CYP2D6: variants seen among roughly 807,000 people sequenced by gnomAD.
CYP2D6 encodes the protein cytochrome P450 2D6.
In CYP2D6, 51 loss-of-function variants were observed where a neutral mutation model predicts 43.5. The observed-to-expected ratio is 1.17, with a 90% CI of 0.94 to 1.48. The LOEUF is 1.48. Ranked by LOEUF, CYP2D6 falls within the 40% of genes most tolerant of loss-of-function variation. The pLI is 0.00. For synonymous variants in CYP2D6, 346 were observed against 297.1 expected, an observed-to-expected ratio of 1.16 and a Z score of -1.69; for missense variants, 698 against 688.0, an observed-to-expected ratio of 1.01 and a Z score of -0.16.
Position 42,126,939 on chromosome 22 carries a change from C to G in CYP2D6, c.1227G>C (p.Trp409Cys). The change falls in exon 8 of 9, where the codon TGG becomes TGC. Residue 409 changes from tryptophan to cysteine, a missense_variant. Trp to Cys is a radical substitution (Grantham distance 215). This residue lies in a region of CYP2D6 where 9 missense variants were observed against 38.0 expected (regional missense o/e 0.24). Coordinates refer to ENST00000645361, the MANE Select transcript of CYP2D6 (RefSeq NM_000106.6). ...LSSVLKDEAV[W>C]EKPFRFHPEH... The stretch of plus-strand genomic sequence containing the variant: ...CGGGGTGGAAGCGGAAGGGCTTCTC[C>G]CAGACGGCCTCATCCTTCAGCACCG... 1 of 1,609,824 alleles carries G rather than the reference C, an allele frequency of 6.2e-7. No homozygotes were observed. The highest frequency in any genetic ancestry group is 8.5e-7 in the Non-Finnish European group (1 of 1,177,690).
In CYP2D6 at chr22:42,126,547, A is replaced by T; in HGVS notation, c.*27T>A. The T allele has an allele frequency of 6.5e-7, 1 of 1,538,998 alleles. No homozygotes were observed. The highest frequency in any genetic ancestry group is 8.8e-7 in the Non-Finnish European group (1 of 1,142,328). On this transcript the variant is annotated 3_prime_UTR_variant, in exon 9 of 9. Transcript: ENST00000645361. ...TGTACATTAGAGCCTCTGGCTAGGG[A>T]GCAGGCTGGGGACTAGGTACCCCAT... is the stretch of plus-strand genomic sequence containing the variant.
At chr22:42,128,392 G>A (rs770318615) in intron 4 of CYP2D6, 42 bp from the exon 5 acceptor site, 23 of 1,596,854 alleles carry the variant, frequency 1.4e-5, no homozygotes, top group Non-Finnish European at 2.0e-5. Flanking sequence ...CCTGTGCTCT[G>A]CGTTCACCTG....
rs530299539 is a variant in CYP2D6, at chr22:42,127,156, G to A, written c.1174-164C>T. Among the ~76,000 whole-genome samples the A allele has an allele frequency of 4.0e-4, 60 of 151,028 alleles. 3 individuals carry two copies. Among genetic ancestry groups the A allele is most frequent in the African/African-American group, 1.3e-3 (53 of 40,882 alleles). ...AGTACCCTCTCCGACCCCACAGCAG[G>A]GCGCAGTCACACCTCTCAGAGGCAC... On this transcript the variant is annotated intron_variant, in intron 7 of 8. Transcript: ENST00000645361.
chr22:42,128,748 C>T (rs752511026), intron 4 of CYP2D6, 36 bp downstream of exon 4: 9 of 1,589,680 alleles, frequency 5.7e-6, no homozygotes, highest in East Asian at 2.3e-5. Context: ...CTCGGGAGCT[C>T]GCCCTGCAGA....
intron 1 of CYP2D6, chr22:42,130,389 A>C: frequency 1.6e-6 from 1 of 623,496 alleles, no homozygotes; most frequent in Non-Finnish European, 2.9e-6. Context: ...CCCACTGCCA[A>C]GTCCAGCTCC....
intron 2 of CYP2D6, chr22:42,129,474 ACACCGGATTCCAGCTGGG>A: frequency 2.8e-6 from 2 of 725,980 alleles, no homozygotes; most frequent in Non-Finnish European, 4.8e-6. Flanking sequence ...CCCCACTTCG[ACACCGGATTCCAGCTGGG>A]AAATGCGCCA....
In CYP2D6 at chr22:42,129,863, G is replaced by T; in HGVS notation, c.227C>A (p.Thr76Lys). The change falls in exon 2 of 9, where the codon ACG (threonine) becomes AAG (lysine). Residue 76 changes from threonine (T) to lysine (K), a missense_variant. Thr to Lys is a moderately conservative substitution (Grantham distance 78, BLOSUM62 -1). Transcript: ENST00000645361. ...GDVFSLQLAW[T>K]PVVVLNGLAA... ...CAGCCCATTGAGCACGACCACCGGC[G>T]TCCAGGCCAGCTGCAGGCTGAACAC... 6.3e-7 allele frequency: 1 copy of T among 1,596,016 alleles called. No individual in the cohort carries two copies. Among genetic ancestry groups the T allele is most frequent in the Non-Finnish European group, 8.5e-7 (1 of 1,171,894 alleles).
chr22:42,129,462 C>T (rs1389816394), intron 2 of CYP2D6: 4 of 726,304 alleles, frequency 5.5e-6, no homozygotes, highest in African/African-American at 1.7e-5. Flanking sequence ...GCGGTCCCCG[C>T]CCCCCACTTC....
chr22:42,127,481 CG>C lies in CYP2D6; in HGVS notation c.1138del (p.Arg380ValfsTer24). Reference protein sequence around the residue: ...VPLGVTHMTSRDIEVQGFRIP... With the variant: ...VPLGVTHMTSXDIEVQGFRIP... ...GCGGAAGCCCTGTACTTCGATGTCACGGGATGTCATATGGGTCACACCCAGG... is the reference window on the plus strand; with the variant it reads ...GCGGAAGCCCTGTACTTCGATGTCACGGATGTCATATGGGTCACACCCAGG... On this transcript the variant is annotated frameshift_variant, in exon 7 of 9. Coordinates refer to ENST00000645361, the MANE Select transcript of CYP2D6 (RefSeq NM_000106.6). LOFTEE classifies it high-confidence loss of function. The C allele has an allele frequency of 6.6e-7, 1 of 1,505,220 alleles. No individual in the cohort carries two copies. 93.2% of individuals were successfully genotyped at this position (1,505,220 alleles called of 1,614,324 possible). A position where few individuals can be genotyped will look rare whatever the true frequency, so the allele number is the denominator to read the frequency against.
At chr22:42,127,041 G>A (rs1328492748) in intron 7 of CYP2D6, 49 bp from the exon 8 acceptor site, 2 of 1,571,446 alleles carry the variant, frequency 1.3e-6, no homozygotes, top group Non-Finnish European at 1.7e-6. Flanking sequence ...CTAGGATGCT[G>A]GGACCCCTGC....
At chr22:42,129,409 C>G (rs1481856155) in intron 2 of CYP2D6, 1 of 779,222 alleles carries the variant, frequency 1.3e-6, no homozygotes, top group South Asian at 1.5e-5. Context: ...CAGGGAAGAC[C>G]CCGCGGGCCC....
In CYP2D6 at chr22:42,128,008, G is replaced by A. The variant is rs761583828; in HGVS notation, c.844-25C>T. The A allele has an allele frequency of 3.7e-5, 60 of 1,611,014 alleles. 2 individuals are homozygous for A. In the Middle Eastern group the frequency reaches 4.9e-4, roughly 13 times the overall value. Reference sequence around the variant, plus strand: ...CCTGAGCAGGGCCGAGAGCATACTCGGGACAGAACGGGGTAGCCCCCAAAT... The same window carrying A: ...CCTGAGCAGGGCCGAGAGCATACTCAGGACAGAACGGGGTAGCCCCCAAAT... On this transcript the variant is annotated intron_variant, in intron 5 of 8. Transcript: ENST00000645361.
At position 42,129,237 on chromosome 22, in the gene CYP2D6, A is replaced by C. The variant is rs528764348; in HGVS notation, c.353-52T>G. 530 of 1,581,940 alleles carry C rather than the reference A, an allele frequency of 3.4e-4. 20 individuals are homozygous for C. The highest frequency in any genetic ancestry group is 1.4e-3 in the South Asian group (124 of 89,846). ...TGGCCATGAAGGCATTAGCCCCACC[A>C]TCCACCACCCACTCCAACCCTATGC... On this transcript the variant is annotated intron_variant, in intron 2 of 8. Coordinates refer to ENST00000645361, the MANE Select transcript of CYP2D6 (RefSeq NM_000106.6).
At chr22:42,129,503 G>T in intron 2 of CYP2D6, 1 of 724,780 alleles carries the variant, frequency 1.4e-6, no homozygotes, top group Non-Finnish European at 2.4e-6. Flanking sequence ...AAATGCGCCA[G>T]CCTCACCCAT....
chr22:42,126,576 A>G lies in CYP2D6; in HGVS notation c.1492T>C (p.Ter498GlnextTer11). ...SPYELCAVPR[*>Q] ...GGCTGGGGACTAGGTACCCCATTCT[A>G]GCGGGGCACAGCACAAAGCTCATAG... is the stretch of plus-strand genomic sequence containing the variant. The change falls in exon 9 of 9, where the codon TAG becomes CAG. Residue 498 changes from the stop codon to glutamine (Q), a stop_lost. Coordinates refer to ENST00000645361, the MANE Select transcript of CYP2D6 (RefSeq NM_000106.6). 6.3e-7 allele frequency: 1 copy of G among 1,577,412 alleles called. No homozygotes were observed. Among genetic ancestry groups the G allele is most frequent in the Non-Finnish European group, 8.6e-7 (1 of 1,160,830 alleles).
At position 42,127,483 on chromosome 22, in the gene CYP2D6, G is replaced by C; in HGVS notation, c.1137C>G (p.Ser379=). The C allele has an allele frequency of 6.2e-7, 1 of 1,611,396 alleles. No homozygotes were observed. Among genetic ancestry groups the C allele is most frequent in the Non-Finnish European group, 8.5e-7 (1 of 1,178,142 alleles). ...IVPLGVTHMT[S]RDIEVQGFRI... ...GGAAGCCCTGTACTTCGATGTCACG[G>C]GATGTCATATGGGTCACACCCAGGG... Residue 379 remains serine (S), a synonymous_variant, in exon 7 of 9, where the codon TCC becomes TCG. Coordinates refer to ENST00000645361, the MANE Select transcript of CYP2D6 (RefSeq NM_000106.6).
At position 42,129,115 on chromosome 22, in the gene CYP2D6, G is replaced by C. The variant is rs1355380100; in HGVS notation, c.423C>G (p.Asn141Lys). ...QRRFSVSTLR[N>K]LGLGKKSLEQ... ...CCAGCGACTTCTTGCCCAGGCCCAA[G>C]TTGCGCAAGGTGGACACGGAGAAGC... is the stretch of plus-strand genomic sequence containing the variant. The change falls in exon 3 of 9, where the codon AAC (asparagine) becomes AAG (lysine). Residue 141 changes from asparagine to lysine, a missense_variant. By Grantham distance (94) the Asn-to-Lys change is moderately conservative. Coordinates refer to ENST00000645361, the MANE Select transcript of CYP2D6 (RefSeq NM_000106.6). 2.5e-6 allele frequency: 4 copies of C among 1,610,536 alleles called. No homozygotes were observed. The South Asian group carries it at 4.4e-5, about 18-fold the overall frequency.
intron 2 of CYP2D6, chr22:42,129,460 C>A: frequency 1.4e-6 from 1 of 731,424 alleles, no homozygotes; most frequent in Non-Finnish European, 2.4e-6. Flanking sequence ...GTGCGGTCCC[C>A]GCCCCCCACT....
chr22:42,128,477 C>T lies in CYP2D6; in HGVS notation c.667-127G>A. The T allele has an allele frequency of 7.9e-6, 9 of 1,145,828 alleles. 1 individual carries two copies. The South Asian group carries it at 1.2e-4, about 15-fold the overall frequency. 71.0% of individuals were successfully genotyped at this position (1,145,828 alleles called of 1,614,324 possible). A position where few individuals can be genotyped will look rare whatever the true frequency, so the allele number is the denominator to read the frequency against. ...TCCTTACCACTGACCTCACCAAGTC[C>T]CTCCCCAAGTGCCAGCCTCCACCCT... is the stretch of plus-strand genomic sequence containing the variant. On this transcript the variant is annotated intron_variant, in intron 4 of 8. Coordinates refer to ENST00000645361, the MANE Select transcript of CYP2D6 (RefSeq NM_000106.6).
Sources: allele counts gnomAD v4.1 joint callset (sites outside exome capture counted in the v4.1 genomes callset), GRCh38; gene constraint gnomAD v4.1.1; regional missense constraint gnomAD v4.1.1; transcripts MANE v1.5; gene names NCBI Gene and HGNC (gene_info 2026-07-23, HGNC 2026-07-21).